The following SPTSSA variants were observed in gnomAD, a reference collection of about 807,000 sequenced individuals.
SPTSSA encodes small subunit of serine palmitoyltransferase A.
Under a neutral mutation model 9.1 loss-of-function variants are expected in SPTSSA, and 8 were observed. That is an observed-to-expected ratio of 0.88 (90% CI 0.51 to 1.58). The LOEUF is 1.58. Among genes scored for constraint, SPTSSA ranks in the 40% most tolerant of loss-of-function variants. SPTSSA has a pLI of 0.00. For synonymous variants in SPTSSA, 42 were observed against 37.7 expected (o/e 1.11, Z -0.41); for missense variants, 100 against 93.8 (o/e 1.07, Z -0.27).
At chr14:34,449,039 T>C (rs111233823) in intron 1 of SPTSSA, among the ~76,000 whole-genome samples, 1,656 of 152,066 alleles carry the variant, frequency 0.011, 33 homozygotes, top group African/African-American at 0.038. Context: ...AAATTAGCTA[T>C]ACAGGGACAC....
At chr14:34,447,787 T>C (rs780102283) in intron 1 of SPTSSA, among the ~76,000 whole-genome samples, 1 of 152,236 alleles carries the variant, frequency 6.6e-6, no homozygotes, top group Non-Finnish European at 1.5e-5. Flanking sequence ...TTTTTTCTTC[T>C]GCAAATCTCT....
Position 34,434,963 on chromosome 14 carries a change from A to G in SPTSSA, c.*238T>C. 3.4e-6 allele frequency: 1 copy of G among 296,268 alleles called. No homozygotes were observed. The highest frequency in any genetic ancestry group is 1.2e-4 in the South Asian group (1 of 8,552). The allele number at this position is 296,268 out of a possible 1,614,324, so 18.4% of individuals were successfully genotyped here. On this transcript the variant is annotated 3_prime_UTR_variant, in exon 2 of 2. Coordinates refer to ENST00000298130, the MANE Select transcript of SPTSSA (RefSeq NM_138288.4). ...TAAGAAAATACTGATATCAAAGTAC[A>G]AATGACTACAATGTTAAAATAGACA...
chr14:34,458,032 G>A (rs944132234), intron 1 of SPTSSA, among the ~76,000 whole-genome samples: 1 of 150,242 alleles, frequency 6.7e-6, no homozygotes, highest in Non-Finnish European at 1.5e-5. Flanking sequence ...ATAGGCCCTA[G>A]TGAGGAAGAA....
intron 1 of SPTSSA, among the ~76,000 whole-genome samples, chr14:34,456,419 T>TG: frequency 6.6e-6 from 1 of 152,186 alleles, no homozygotes; most frequent in Non-Finnish European, 1.5e-5. Context: ...GGTTTAAAAG[T>TG]GGGAAAAAAA....
chr14:34,441,827 T>C (rs974232315), intron 1 of SPTSSA, among the ~76,000 whole-genome samples: 7 of 151,226 alleles, frequency 4.6e-5, no homozygotes, highest in African/African-American at 7.4e-5. Context: ...CTGGGTCTTT[T>C]TCCATTTTTT....
At chr14:34,459,276 AC>A (rs892667128) in intron 1 of SPTSSA, among the ~76,000 whole-genome samples, 1 of 106,914 alleles carries the variant, frequency 9.4e-6, no homozygotes, top group Non-Finnish European at 2.0e-5. Context: ...CCCCCACCCC[AC>A]CCCCAACTCC....
chr14:34,441,283 C>T lies in SPTSSA; in HGVS notation c.113-5979G>A, dbSNP rs78437601. Among the ~76,000 whole-genome samples the T allele has an allele frequency of 5.5e-3, 836 of 152,246 alleles. 2 individuals are homozygous for T. The highest frequency in any genetic ancestry group is 0.027 in the Middle Eastern group (8 of 294). On this transcript the variant is annotated intron_variant, in intron 1 of 1. Transcript: ENST00000298130. ...TCAGTTATGACAGGAAATAGCCTCCCCATAGGGTGCAGGCCAAGTAAACAC... is the reference window on the plus strand; with the variant it reads ...TCAGTTATGACAGGAAATAGCCTCCTCATAGGGTGCAGGCCAAGTAAACAC...
intron 1 of SPTSSA, among the ~76,000 whole-genome samples, chr14:34,436,186 C>T (rs1883239073): frequency 6.6e-6 from 1 of 152,186 alleles, no homozygotes; most frequent in African/African-American, 2.4e-5. Flanking sequence ...ATTATTATCA[C>T]TATTGCTACT....
intron 1 of SPTSSA, among the ~76,000 whole-genome samples, chr14:34,444,701 G>A (rs553049297): frequency 9.1e-4 from 138 of 151,114 alleles, no homozygotes; most frequent in Middle Eastern, 3.4e-3. Context: ...GCAGTGAGTC[G>A]AGATCGCACC....
intron 1 of SPTSSA, among the ~76,000 whole-genome samples, chr14:34,461,786 A>G (rs1264167679): frequency 6.6e-6 from 1 of 152,194 alleles, no homozygotes; most frequent in Non-Finnish European, 1.5e-5. Flanking sequence ...TTGCGGCCGA[A>G]GTGCAGGCGA....
chr14:34,437,774 C>T (rs1425687890), intron 1 of SPTSSA, among the ~76,000 whole-genome samples: 2 of 152,170 alleles, frequency 1.3e-5, no homozygotes, highest in African/African-American at 4.8e-5. Context: ...CACCCTACCA[C>T]TGGATTTTTA....
intron 1 of SPTSSA, among the ~76,000 whole-genome samples, chr14:34,458,900 A>T (rs934824400): frequency 1.4e-5 from 2 of 142,812 alleles, no homozygotes; most frequent in Non-Finnish European, 3.0e-5. Context: ...CCCTGAAATT[A>T]CAACTTTTTT....
chr14:34,444,811 C>T (rs1883392135), intron 1 of SPTSSA, among the ~76,000 whole-genome samples: 1 of 151,446 alleles, frequency 6.6e-6, no homozygotes, highest in Non-Finnish European at 1.5e-5. Context: ...CTACCAGAAA[C>T]AGGTCAGGCA....
intron 1 of SPTSSA, among the ~76,000 whole-genome samples, chr14:34,461,149 T>C (rs1473230137): frequency 2.0e-5 from 3 of 152,214 alleles, no homozygotes; most frequent in Non-Finnish European, 4.4e-5. Context: ...CTAAACATGT[T>C]TTGTGAAATA....
At chr14:34,444,482 G>A (rs777996848) in intron 1 of SPTSSA, among the ~76,000 whole-genome samples, 22 of 152,188 alleles carry the variant, frequency 1.4e-4, no homozygotes, top group African/African-American at 3.4e-4. Context: ...GGCCAGGCGC[G>A]GTGGCTCACA....
At chr14:34,436,183 T>C (rs1322690768) in intron 1 of SPTSSA, among the ~76,000 whole-genome samples, 7 of 152,204 alleles carry the variant, frequency 4.6e-5, no homozygotes, top group African/African-American at 1.7e-4. Flanking sequence ...AACATTATTA[T>C]CACTATTGCT....
chr14:34,443,759 C>A (rs1396897553), intron 1 of SPTSSA, among the ~76,000 whole-genome samples: 2 of 152,118 alleles, frequency 1.3e-5, no homozygotes, highest in Non-Finnish European at 2.9e-5. Context: ...TAGTCTCCAA[C>A]TCCTGACCTC....
intron 1 of SPTSSA, among the ~76,000 whole-genome samples, chr14:34,438,645 GC>G (rs1194700998): frequency 6.6e-6 from 1 of 152,036 alleles, no homozygotes; most frequent in Non-Finnish European, 1.5e-5. Flanking sequence ...ACAACTATTT[GC>G]CAAGTCATCC....
At chr14:34,438,825 C>T (rs1883278119) in intron 1 of SPTSSA, among the ~76,000 whole-genome samples, 1 of 152,142 alleles carries the variant, frequency 6.6e-6, no homozygotes. Context: ...AAGTTCCCAT[C>T]GTAGGCTTCT....
Sources: allele counts gnomAD v4.1 joint callset (sites outside exome capture counted in the v4.1 genomes callset), GRCh38; gene constraint gnomAD v4.1.1; transcripts MANE v1.5; gene names NCBI Gene and HGNC (gene_info 2026-07-23, HGNC 2026-07-21).